The following EXOC3 variants were observed in gnomAD, a reference collection of about 807,000 sequenced individuals.
EXOC3 encodes SEC6-like 1.
A neutral mutation model predicts 73.7 loss-of-function variants in EXOC3; 21 were observed. The ratio of observed to expected loss-of-function variants is 0.29; its 90% CI spans 0.20 to 0.41. The LOEUF is 0.41. Among genes scored for constraint, EXOC3 ranks in the 10% least tolerant of loss-of-function variants. The pLI, the probability that EXOC3 is intolerant of heterozygous loss-of-function variation, is 1.00. For synonymous variants in EXOC3, 410 were observed against 389.1 expected (o/e 1.05, Z -0.63); for missense variants, 842 against 985.1 (o/e 0.85, Z 1.95).
At chr5:447,799 G>T (rs1414870530) in intron 3 of EXOC3, 47 bp downstream of exon 3, 2 of 1,353,666 alleles carry the variant, frequency 1.5e-6, no homozygotes, top group East Asian at 5.0e-5. Context: ...CGCTGTCTTT[G>T]CATGACTCAC....
chr5:443,807 TC>T (rs376607917), intron 1 of EXOC3, among the ~76,000 whole-genome samples: 4 of 118,858 alleles, frequency 3.4e-5, no homozygotes, highest in Non-Finnish European at 5.1e-5. Flanking sequence ...CTTGACGGTG[TC>T]CCCCCCCAGG....
At chr5:453,300 G>T in intron 3 of EXOC3, 70 bp from the exon 4 acceptor site, 1 of 1,235,332 alleles carries the variant, frequency 8.1e-7, no homozygotes. Context: ...CGTGTTCCCA[G>T]AACACCGCAT....
chr5:447,587 A>G lies in EXOC3; in HGVS notation c.199A>G (p.Asn67Asp). The change falls in exon 3 of 13, where the codon AAC (asparagine) becomes GAC (aspartate). Residue 67 changes from asparagine (N) to aspartate (D), a missense_variant. Coordinates refer to ENST00000512944, the MANE Select transcript of EXOC3 (RefSeq NM_007277.5). The part of the protein sequence containing the change: ...GVRTGLSQLH[N>D]ALNDVKDIQQ... ...GCGCACAGGCCTCAGCCAGCTCCAC[A>G]ACGCCCTGAATGACGTCAAAGACAT... 1 of 1,591,418 alleles carries G rather than the reference A, an allele frequency of 6.3e-7. No homozygotes were observed. Among genetic ancestry groups the G allele is most frequent in the Non-Finnish European group, 8.6e-7 (1 of 1,168,920 alleles).
At chr5:452,159 G>A (rs987258961) in intron 3 of EXOC3, among the ~76,000 whole-genome samples, 1 of 152,102 alleles carries the variant, frequency 6.6e-6, no homozygotes, top group South Asian at 2.1e-4. Flanking sequence ...GTCCCACTAA[G>A]CATATGTTGG....
intron 10 of EXOC3, chr5:464,818 C>G: frequency 2.0e-6 from 1 of 498,766 alleles, no homozygotes; most frequent in Non-Finnish European, 3.6e-6. Context: ...CAGCAGCAGC[C>G]ACTGACACGG....
chr5:454,802 TTTCTTC>T (rs199766693), intron 4 of EXOC3, among the ~76,000 whole-genome samples: 1 of 152,090 alleles, frequency 6.6e-6, no homozygotes, highest in Non-Finnish European at 1.5e-5. Context: ...TGTATTGGAA[TTTCTTC>T]TTCTTCTTTT....
intron 3 of EXOC3, among the ~76,000 whole-genome samples, chr5:448,683 T>C (rs1426166252): frequency 6.6e-6 from 1 of 152,188 alleles, no homozygotes; most frequent in Non-Finnish European, 1.5e-5. Context: ...CACGTGTGAA[T>C]TGGCGCGGTT....
At chr5:453,132 G>A (rs921720605) in intron 3 of EXOC3, among the ~76,000 whole-genome samples, 22 of 152,206 alleles carry the variant, frequency 1.4e-4, no homozygotes, top group Admixed American at 1.2e-3. Context: ...GTGGGGCCTC[G>A]GTAGCCACTG....
At chr5:454,428 G>A (rs934919381) in intron 4 of EXOC3, among the ~76,000 whole-genome samples, 10 of 152,348 alleles carry the variant, frequency 6.6e-5, no homozygotes, top group South Asian at 2.1e-4. Flanking sequence ...GGTCCCAGGC[G>A]GGGCTGGGAC....
intron 4 of EXOC3, 121 bp downstream of exon 4, chr5:454,172 C>T (rs1188718870): frequency 2.5e-6 from 2 of 793,158 alleles, no homozygotes; most frequent in East Asian, 2.7e-5. Context: ...TCCGAGCCCA[C>T]AGCCTTGGTT....
At chr5:458,641 A>G (rs1234451987) in intron 6 of EXOC3, among the ~76,000 whole-genome samples, 6 of 152,162 alleles carry the variant, frequency 3.9e-5, no homozygotes, top group Non-Finnish European at 8.8e-5. Flanking sequence ...TGTTCTTACC[A>G]CGGATTCACT....
intron 5 of EXOC3, chr5:457,233 C>G: frequency 1.8e-6 from 1 of 548,780 alleles, no homozygotes; most frequent in Non-Finnish European, 3.3e-6. Flanking sequence ...CTGCTGGAGA[C>G]GTGAGCCTGT....
chr5:446,069 C>A, intron 1 of EXOC3, 81 bp from the exon 2 acceptor site: 1 of 936,978 alleles, frequency 1.1e-6, no homozygotes, highest in Non-Finnish European at 1.7e-6. Flanking sequence ...AGAGGCTCTG[C>A]TTGTAGCTCC....
At chr5:453,246 AT>A in intron 3 of EXOC3, 123 bp from the exon 4 acceptor site, 1 of 668,348 alleles carries the variant, frequency 1.5e-6, no homozygotes, top group South Asian at 1.9e-5. Context: ...ACATCCTGCC[AT>A]TGCAGTTGTT....
Position 453,941 on chromosome 5 carries a change from G to C in EXOC3, c.936G>C (p.Leu312=). The part of the protein sequence containing the change: ...PPHYEIFKNL[L]NMYHQALSTR... ...ACTATGAGATCTTTAAGAACCTCCTGAACATGTACCACCAAGCCCTGAGCA... is the reference window on the plus strand; with the variant it reads ...ACTATGAGATCTTTAAGAACCTCCTCAACATGTACCACCAAGCCCTGAGCA... The change falls in exon 4 of 13, where the codon CTG becomes CTC. Residue 312 remains leucine, a synonymous_variant. Transcript: ENST00000512944. 1 of 1,613,994 alleles carries C rather than the reference G, an allele frequency of 6.2e-7. No homozygotes were observed. Among genetic ancestry groups the C allele is most frequent in the Non-Finnish European group, 8.5e-7 (1 of 1,179,884 alleles).
chr5:444,262 T>C (rs1380944342), intron 1 of EXOC3, among the ~76,000 whole-genome samples: 1 of 152,238 alleles, frequency 6.6e-6, no homozygotes, highest in African/African-American at 2.4e-5. Flanking sequence ...CCAAAATCTT[T>C]AGTCTTCAGG....
intron 6 of EXOC3, among the ~76,000 whole-genome samples, chr5:458,643 G>T (rs997391993): frequency 2.0e-5 from 3 of 152,166 alleles, no homozygotes; most frequent in African/African-American, 4.8e-5. Flanking sequence ...TTCTTACCAC[G>T]GATTCACTTT....
intron 2 of EXOC3, chr5:446,896 G>C (rs1737524826): frequency 6.4e-6 from 1 of 156,416 alleles, no homozygotes; most frequent in African/African-American, 2.4e-5. Context: ...ACAACACCCT[G>C]AAAGTGTCTA....
rs1205629852 is a variant in EXOC3, at chr5:453,335, G to A, written c.365-35G>A. 2.7e-6 allele frequency: 4 copies of A among 1,505,400 alleles called. No homozygotes were observed. The African/African-American group carries it at 5.5e-5, about 21-fold the overall frequency. The allele number at this position is 1,505,400 out of a possible 1,614,324, so 93.3% of individuals were successfully genotyped here. A position where few individuals can be genotyped will look rare whatever the true frequency, so the allele number is the denominator to read the frequency against. ...TGCAGGCAGCCTTTTATGTGGTGGT[G>A]GTTGTTTATGTTGTGTCTTGTGCCT... On this transcript the variant is annotated intron_variant, in intron 3 of 12. Transcript: ENST00000512944.
Sources: allele counts gnomAD v4.1 joint callset (sites outside exome capture counted in the v4.1 genomes callset), GRCh38; gene constraint gnomAD v4.1.1; transcripts MANE v1.5; gene names NCBI Gene and HGNC (gene_info 2026-07-23, HGNC 2026-07-21).